Variants in TENM2 observed in about 807,000 individuals in gnomAD.
The protein encoded by TENM2 is teneurin transmembrane protein 2.
Under a neutral mutation model 245.2 loss-of-function variants are expected in TENM2, and 52 were observed. The observed-to-expected ratio is 0.21, with a 90% CI of 0.17 to 0.27. TENM2 has a LOEUF of 0.27. Ranked by LOEUF, TENM2 falls within the 10% of genes least tolerant of loss-of-function variation. The pLI is 1.00. For missense variants in TENM2, 3,046 were observed against 3,666.8 expected, an observed-to-expected ratio of 0.83 and a Z score of 4.37; for synonymous variants, 1,363 against 1,438.9, an observed-to-expected ratio of 0.95 and a Z score of 1.19.
At chr5:167,819,185 G>T (rs993462831) in intron 2 of TENM2, among the ~76,000 whole-genome samples, 1 of 152,108 alleles carries the variant, frequency 6.6e-6, no homozygotes, top group Non-Finnish European at 1.5e-5. Flanking sequence ...TCTAATGTGT[G>T]CACTGGAGAG....
chr5:167,339,165 T>C (rs1309317179), intron 1 of TENM2, among the ~76,000 whole-genome samples: 5 of 152,202 alleles, frequency 3.3e-5, no homozygotes, highest in Non-Finnish European at 7.3e-5. Context: ...CTCATCTAAA[T>C]AGTATCTAAA....
intron 2 of TENM2, among the ~76,000 whole-genome samples, chr5:167,767,116 T>C (rs1414729955): frequency 6.6e-6 from 1 of 152,196 alleles, no homozygotes; most frequent in East Asian, 1.9e-4. Flanking sequence ...ATAGCAGCTT[T>C]ATTCACAATA....
chr5:168,085,858 A>G (rs930443510), intron 7 of TENM2, among the ~76,000 whole-genome samples: 3 of 152,118 alleles, frequency 2.0e-5, no homozygotes, highest in African/African-American at 4.8e-5. Flanking sequence ...AATCCCACCA[A>G]CTGCTGAGCG....
chr5:168,127,168 A>G (rs1795913691), intron 12 of TENM2, among the ~76,000 whole-genome samples: 1 of 152,172 alleles, frequency 6.6e-6, no homozygotes, highest in Non-Finnish European at 1.5e-5. Flanking sequence ...TTGAAAGGAA[A>G]GGGACCAGAG....
the TENM2 span, among the ~76,000 whole-genome samples, chr5:167,155,123 A>G: frequency 2.0e-5 from 3 of 152,248 alleles, no homozygotes; most frequent in Admixed American, 1.3e-4. Flanking sequence ...CATTACATTA[A>G]GGATTCACCA....
intron 2 of TENM2, among the ~76,000 whole-genome samples, chr5:167,811,331 G>A (rs1164676932): frequency 1.3e-5 from 2 of 152,042 alleles, no homozygotes; most frequent in African/African-American, 4.8e-5. Flanking sequence ...CCTTGCAATA[G>A]TGAGTTCTCA....
At chr5:167,256,398 G>A in the TENM2 span, among the ~76,000 whole-genome samples, 2 of 152,092 alleles carry the variant, frequency 1.3e-5, no homozygotes, top group Admixed American at 1.3e-4. Flanking sequence ...AAAGCAAAGG[G>A]GCAAAAGCTA....
intron 2 of TENM2, among the ~76,000 whole-genome samples, chr5:167,758,615 T>A (rs1429626662): frequency 6.6e-6 from 1 of 152,196 alleles, no homozygotes; most frequent in Non-Finnish European, 1.5e-5. Flanking sequence ...TTCCACTTTT[T>A]TTTAGCTCTA....
intron 1 of TENM2, among the ~76,000 whole-genome samples, chr5:167,288,255 ATG>A (rs1453075254): frequency 5.3e-5 from 8 of 152,142 alleles, no homozygotes; most frequent in African/African-American, 1.9e-4. Context: ...AATAATAACA[ATG>A]ACAAAGGAAT....
chr5:167,134,445 ATTGT>A, the TENM2 span, among the ~76,000 whole-genome samples: 2 of 152,170 alleles, frequency 1.3e-5, no homozygotes, highest in South Asian at 2.1e-4. Context: ...TAACTAGGCG[ATTGT>A]TTGTAGGATT....
the TENM2 span, among the ~76,000 whole-genome samples, chr5:167,191,800 G>C: frequency 6.6e-6 from 1 of 151,932 alleles, no homozygotes; most frequent in African/African-American, 2.4e-5. Flanking sequence ...TTTTAGGTGT[G>C]CTTACAATAC....
intron 2 of TENM2, among the ~76,000 whole-genome samples, chr5:167,710,717 AT>A (rs1758854313): frequency 1.3e-5 from 2 of 152,246 alleles, no homozygotes; most frequent in South Asian, 4.1e-4. Context: ...AAATCCAGAC[AT>A]TAACCTGAGG....
intron 2 of TENM2, among the ~76,000 whole-genome samples, chr5:167,734,764 T>G (rs1015976182): frequency 6.6e-6 from 1 of 152,186 alleles, no homozygotes; most frequent in Non-Finnish European, 1.5e-5. Flanking sequence ...CCTACCGCCC[T>G]CTTTTGCAGG....
chr5:167,218,807 G>A, the TENM2 span, among the ~76,000 whole-genome samples: 1 of 152,040 alleles, frequency 6.6e-6, no homozygotes, highest in Non-Finnish European at 1.5e-5. Context: ...GCAAAACAAG[G>A]GTATCGTTTT....
chr5:167,647,887 C>T (rs568279097), intron 2 of TENM2, among the ~76,000 whole-genome samples: 1 of 152,242 alleles, frequency 6.6e-6, no homozygotes, highest in African/African-American at 2.4e-5. Context: ...TCACTTATCT[C>T]CTACGTTCAA....
intron 1 of TENM2, among the ~76,000 whole-genome samples, chr5:167,299,313 G>T (rs1183474774): frequency 2.0e-5 from 3 of 152,196 alleles, no homozygotes; most frequent in African/African-American, 2.4e-5. Context: ...CAGAAGGAAA[G>T]AAATGACTGC....
At chr5:167,368,134 G>C (rs1760176662) in intron 1 of TENM2, among the ~76,000 whole-genome samples, 1 of 151,764 alleles carries the variant, frequency 6.6e-6, no homozygotes, top group South Asian at 2.1e-4. Flanking sequence ...AAATTAAATA[G>C]TAAAAATAAT....
intron 19 of TENM2, 53 bp from the exon 22 acceptor site, chr5:168,211,681 A>C (rs1258303842): frequency 8.7e-7 from 1 of 1,146,164 alleles, no homozygotes; most frequent in Non-Finnish European, 1.2e-6. Context: ...TTTATCATCA[A>C]TTCTTCTGCT....
chr5:167,734,475 A>G (rs1760659760), intron 2 of TENM2, among the ~76,000 whole-genome samples: 1 of 148,446 alleles, frequency 6.7e-6, no homozygotes, highest in Admixed American at 6.8e-5. Flanking sequence ...ATAATCATAT[A>G]TAATATATGC....
Sources: gnomAD v4.1 joint callset for allele counts (sites outside exome capture counted in the v4.1 genomes callset) on GRCh38, gnomAD v4.1.1 for gene constraint, MANE v1.5 for transcripts, NCBI Gene and HGNC (gene_info 2026-07-23, HGNC 2026-07-21) for gene names.